The following IDH3G variants were observed in gnomAD, a reference collection of about 807,000 sequenced individuals.
IDH3G encodes the protein isocitrate dehydrogenase (NAD(+)) 3 non-catalytic subunit gamma.
Under a neutral mutation model 26.9 loss-of-function variants are expected in IDH3G, and 9 were observed. That is an observed-to-expected ratio of 0.34 (90% CI 0.20 to 0.58). The LOEUF is 0.58. Among genes scored for constraint, IDH3G ranks in the 20% least tolerant of loss-of-function variants. The pLI is 0.85. For missense variants in IDH3G, 250 were observed against 372.8 expected, an observed-to-expected ratio of 0.67 and a Z score of 2.71; for synonymous variants, 181 against 160.0, an observed-to-expected ratio of 1.13 and a Z score of -0.99.
chrX:153,792,237 AGCACAGTACCTG>A (rs1557070668), intron 1 of IDH3G: 1 of 111,909 alleles, frequency 8.9e-6, no homozygotes, highest in African/African-American at 3.3e-5. Flanking sequence ...CCTAGGACCC[AGCACAGTACCTG>A]GCCCAGAGCT....
At chrX:153,789,220 G>A (rs1557069873) in intron 5 of IDH3G, 1 of 342,617 alleles carries the variant, frequency 2.9e-6, no homozygotes, top group Non-Finnish European at 5.9e-6. Flanking sequence ...GAGCCGTGGG[G>A]CCCCACAAGA....
intron 2 of IDH3G, 116 bp from the exon 3 acceptor site, chrX:153,790,691 G>A (rs1365879800): frequency 9.4e-7 from 1 of 1,065,882 alleles, no homozygotes; most frequent in South Asian, 1.9e-5. Flanking sequence ...ACTCCCAGAA[G>A]AGGGGTGGGT....
chrX:153,792,193 G>A (rs1260053230), intron 1 of IDH3G: 3 of 111,542 alleles, frequency 2.7e-5, no homozygotes, highest in African/African-American at 9.8e-5. Context: ...AGCCCGAGAG[G>A]AGGGGCCAAG....
Position 153,787,942 on chromosome X carries a change from G to C in IDH3G, c.421C>G (p.Leu141Val), listed in dbSNP as rs1416594446. 1 of 1,210,901 alleles carries C rather than the reference G, an allele frequency of 8.3e-7. No individual in the cohort carries two copies. Residue 141 changes from leucine to valine, a missense_variant, in exon 7 of 13, where the codon CTC becomes GTC. Physicochemically the swap from Leu to Val is conservative, Grantham distance 32. This residue lies in a region of IDH3G where 201 missense variants were observed against 331.3 expected (regional missense o/e 0.61). Transcript: ENST00000217901. Reference protein sequence around the residue: ...RNNILRTSLDLYANVIHCKSL... With the variant: ...RNNILRTSLDVYANVIHCKSL... Reference sequence around the variant, plus strand: ...TTACAGTGGATGACGTTGGCATAGAGGTCCAGGCTGGTGCTGGGAGGGGAC... The same window carrying C: ...TTACAGTGGATGACGTTGGCATAGACGTCCAGGCTGGTGCTGGGAGGGGAC...
rs1603255762 is a variant in IDH3G, at chrX:153,789,785, C to T, written c.273G>A (p.Val91=). ...TGTCCTCTTCATCAGCATTGGAACTCACGTGCACCTCTTCAAAGTCCACTG... is the reference window on the plus strand; with the variant it reads ...TGTCCTCTTCATCAGCATTGGAACTTACGTGCACCTCTTCAAAGTCCACTG... ...CVPVDFEEVH[V]SSNADEEDIR... is the part of the protein sequence containing the mutation. The change falls in exon 5 of 13, where the codon GTG becomes GTA. Residue 91 remains valine (V), a synonymous_variant. Coordinates refer to ENST00000217901, the MANE Select transcript of IDH3G (RefSeq NM_004135.4). The T allele has an allele frequency of 8.3e-7, 1 of 1,206,488 alleles. No individual in the cohort carries two copies. Among genetic ancestry groups the T allele is most frequent in the Non-Finnish European group, 1.1e-6 (1 of 891,830 alleles).
rs868947165 is a variant in IDH3G, at chrX:153,793,306, C to G, written c.81+940G>C. 6.3e-5 allele frequency among the ~76,000 whole-genome samples: 7 copies of G among 111,963 alleles called. No individual in the cohort carries two copies. The South Asian group carries it at 1.5e-3, about 24-fold the overall frequency. On this transcript the variant is annotated intron_variant, in intron 1 of 12. Transcript: ENST00000217901. Reference sequence around the variant, plus strand: ...GCAGCAAGGTGGGAGAAGTCAGCATCGTCAAGAGAATTTCATTAGGCACAA... The same window carrying G: ...GCAGCAAGGTGGGAGAAGTCAGCATGGTCAAGAGAATTTCATTAGGCACAA...
Position 153,790,927 on chromosome X carries a change from C to T in IDH3G, c.82-76G>A, listed in dbSNP as rs782573722. 339 of 940,615 alleles carry T rather than the reference C, an allele frequency of 3.6e-4. 3 individuals are homozygous for T. The African/African-American group carries it at 5.4e-3, about 15-fold the overall frequency. 77.5% of individuals were successfully genotyped at this position (940,615 alleles called of 1,213,427 possible). Reference sequence around the variant, plus strand: ...CAAGTTGGAAGGAAAAACGGACCGTCCCCACTGTGCCCAGGCAGGTCCCCT... The same window carrying T: ...CAAGTTGGAAGGAAAAACGGACCGTTCCCACTGTGCCCAGGCAGGTCCCCT... On this transcript the variant is annotated intron_variant, in intron 1 of 12. Transcript: ENST00000217901.
Position 153,788,079 on chromosome X carries a change from G to C in IDH3G, c.403C>G (p.Leu135Val). Reference protein sequence around the residue: ...PPSHKSRNNILRTSLDLYANV... With the variant: ...PPSHKSRNNIVRTSLDLYANV... ...GCCCGCACACCCGGATCTCACCGAA[G>C]GATGTTGTTTCGAGATTTGTGCGAC... The change falls in exon 6 of 13, where the codon CTT (leucine) becomes GTT (valine). Residue 135 changes from leucine to valine, a missense_variant. Physicochemically the swap from Leu to Val is conservative, Grantham distance 32 (BLOSUM62 1). This residue lies in a region of IDH3G where 201 missense variants were observed against 331.3 expected (regional missense o/e 0.61). Transcript: ENST00000217901. 1 of 1,212,170 alleles carries C rather than the reference G, an allele frequency of 8.2e-7. No homozygotes were observed.
At chrX:153,790,625 G>A in intron 2 of IDH3G, 50 bp from the exon 3 acceptor site, 1 of 1,173,884 alleles carries the variant, frequency 8.5e-7, no homozygotes, top group Non-Finnish European at 1.2e-6. Context: ...GGTTCCAAGA[G>A]CAAGGCCGTG....
In IDH3G at chrX:153,785,921, T is replaced by C. The variant is rs1557069010; in HGVS notation, c.1133A>G (p.Asp378Gly). 52 of 1,209,742 alleles carry C rather than the reference T, an allele frequency of 4.3e-5. No homozygotes were observed. Among genetic ancestry groups the C allele is most frequent in the Non-Finnish European group, 5.7e-5 (51 of 895,259 alleles). The change falls in exon 13 of 13, where the codon GAC becomes GGC. Residue 378 changes from aspartate to glycine, a missense_variant. Around this residue, in one of 2 missense-constraint regions of IDH3G, gnomAD observed 201 missense variants for 331.3 expected, o/e 0.61. Transcript: ENST00000217901. The part of the protein sequence containing the change: ...GQGTTSEAIQ[D>G]VIRHIRVING... ...GATGACGCGGATGTGGCGGATGACGTCCTGGATGGCTTCAGATGTTGTGCC... is the reference window on the plus strand; with the variant it reads ...GATGACGCGGATGTGGCGGATGACGCCCTGGATGGCTTCAGATGTTGTGCC...
intron 1 of IDH3G, among the ~76,000 whole-genome samples, chrX:153,791,868 A>G (rs782423261): frequency 8.0e-5 from 9 of 112,301 alleles, no homozygotes; most frequent in African/African-American, 2.9e-4. Flanking sequence ...GGGTGCCCAC[A>G]AGGACCAGAG....
At position 153,785,902 on chromosome X, in the gene IDH3G, G is replaced by A. The variant is rs1461377774; in HGVS notation, c.1152C>T (p.Arg384=). The change falls in exon 13 of 13, where the codon CGC becomes CGT. Residue 384 remains arginine, a synonymous_variant. Coordinates refer to ENST00000217901, the MANE Select transcript of IDH3G (RefSeq NM_004135.4). ...EAIQDVIRHI[R]VINGRAVEA is the part of the protein sequence containing the mutation. ...CCTCCACGGCCCGGCCGTTGATGAC[G>A]CGGATGTGGCGGATGACGTCCTGGA... is the stretch of plus-strand genomic sequence containing the variant. 1.6e-5 allele frequency: 19 copies of A among 1,209,909 alleles called. 1 individual carries two copies. In the Middle Eastern group the frequency reaches 6.9e-4, roughly 44 times the overall value.
At position 153,787,971 on chromosome X, in the gene IDH3G, G is replaced by GA; in HGVS notation, c.408-17dup. The GA allele has an allele frequency of 3.3e-6, 4 of 1,210,175 alleles. No individual in the cohort carries two copies. The highest frequency in any genetic ancestry group is 4.5e-6 in the Non-Finnish European group (4 of 893,860). On this transcript the variant is annotated splice_polypyrimidine_tract_variant and intron_variant, in intron 6 of 12. Coordinates refer to ENST00000217901, the MANE Select transcript of IDH3G (RefSeq NM_004135.4). ...CAGGCTGGTGCTGGGAGGGGACGGA[G>GA]AAAGAGGCTGCTAGGCCTGACAGGT...
chrX:153,786,587 T>G, intron 10 of IDH3G, 138 bp from the exon 11 acceptor site: 1 of 609,302 alleles, frequency 1.6e-6, no homozygotes, highest in Non-Finnish European at 2.6e-6. Context: ...TGGGGGAAGG[T>G]GTGGGGACAG....
In IDH3G at chrX:153,787,053, G is replaced by T; in HGVS notation, c.775C>A (p.Gln259Lys). ...GACAGCACTGGGCAGGCTAATACCT[G>T]CATGGTGGTGTTATCCACAATCATG... Reference protein sequence around the residue: ...ENMIVDNTTMQLVSRPQQFDV... With the variant: ...ENMIVDNTTMKLVSRPQQFDV... The change falls in exon 9 of 13, where the codon CAG becomes AAG. Residue 259 changes from glutamine to lysine, a missense_variant and splice_region_variant. This residue lies in a region of IDH3G where 201 missense variants were observed against 331.3 expected (regional missense o/e 0.61). Transcript: ENST00000217901. The T allele has an allele frequency of 8.3e-7, 1 of 1,205,104 alleles. No homozygotes were observed. Among genetic ancestry groups the T allele is most frequent in the Non-Finnish European group, 1.1e-6 (1 of 889,534 alleles).
At chrX:153,790,754 G>A (rs1305746569) in intron 2 of IDH3G, 56 bp downstream of exon 2, 14 of 1,155,589 alleles carry the variant, frequency 1.2e-5, no homozygotes, top group African/African-American at 5.3e-5. Context: ...GCACACACGC[G>A]CACAATTGCG....
rs1603255230 is a variant in IDH3G, at chrX:153,787,218, C to T, written c.675-65G>A. 3.8e-5 allele frequency: 34 copies of T among 903,855 alleles called. No individual in the cohort carries two copies. The East Asian group carries it at 9.0e-4, about 24-fold the overall frequency. The allele number at this position is 903,855 out of a possible 1,213,427, so 74.5% of individuals were successfully genotyped here. ...GCAACAGTCAGCCAGAGGGACGGGG[C>T]GTGCAGAGGGCCCCAGGAGGCTGGG... On this transcript the variant is annotated intron_variant, in intron 8 of 12. Coordinates refer to ENST00000217901, the MANE Select transcript of IDH3G (RefSeq NM_004135.4).
chrX:153,787,715 C>T (rs2092094688), intron 7 of IDH3G, 108 bp downstream of exon 7: 8 of 1,129,863 alleles, frequency 7.1e-6, no homozygotes, highest in Non-Finnish European at 9.5e-6. Flanking sequence ...TCTGGCTTCT[C>T]CCTCGGGCAC....
intron 5 of IDH3G, among the ~76,000 whole-genome samples, chrX:153,788,522 C>T (rs2148444639): frequency 8.9e-6 from 1 of 112,949 alleles, no homozygotes; most frequent in East Asian, 2.8e-4. Flanking sequence ...CTGCCAAGCC[C>T]CCGCATCAAG....
Sources: allele counts gnomAD v4.1 joint callset (sites outside exome capture counted in the v4.1 genomes callset), GRCh38; gene constraint gnomAD v4.1.1; regional missense constraint gnomAD v4.1.1; transcripts MANE v1.5; gene names NCBI Gene and HGNC (gene_info 2026-07-23, HGNC 2026-07-21).